The following BABAM2 variants were observed in gnomAD, a reference collection of about 807,000 sequenced individuals.
BABAM2 encodes the protein BRISC and BRCA1-A complex member 2.
A neutral mutation model predicts 54.7 loss-of-function variants in BABAM2; 31 were observed. The observed-to-expected ratio is 0.57, with a 90% CI of 0.43 to 0.77. The LOEUF is 0.77. Ranked by LOEUF, BABAM2 falls within the 30% of genes least tolerant of loss-of-function variation. The pLI is 0.00. For missense variants in BABAM2, 364 were observed against 455.8 expected, an observed-to-expected ratio of 0.80 and a Z score of 1.83; for synonymous variants, 167 against 162.9, an observed-to-expected ratio of 1.03 and a Z score of -0.19.
At chr2:28,126,527 T>C (rs1167590132) in intron 6 of BABAM2, among the ~76,000 whole-genome samples, 35 of 144,228 alleles carry the variant, frequency 2.4e-4, no homozygotes, top group Middle Eastern at 3.5e-3. Flanking sequence ...CCACATTTTC[T>C]TAATCCAGTC....
At chr2:28,292,423 T>G (rs1462646063) in intron 10 of BABAM2, among the ~76,000 whole-genome samples, 1 of 152,212 alleles carries the variant, frequency 6.6e-6, no homozygotes, top group East Asian at 1.9e-4. Context: ...TGTACATAGA[T>G]TATACAGTTA....
At position 28,041,277 on chromosome 2, in the gene BABAM2, A is replaced by G. The variant is rs912877659; in HGVS notation, c.496-4448A>G. 5.3e-5 allele frequency among the ~76,000 whole-genome samples: 8 copies of G among 152,196 alleles called. 1 individual carries two copies. Among genetic ancestry groups the G allele is most frequent in the Admixed American group, 5.2e-4 (8 of 15,268 alleles). ...TTTAATTTACAGGTTACAGGTTGAC[A>G]TTTTACACTAGTAGGCAGAAATGGT... On this transcript the variant is annotated intron_variant, in intron 5 of 11. Transcript: ENST00000379624.
intron 6 of BABAM2, among the ~76,000 whole-genome samples, chr2:28,112,775 A>G (rs1668248782): frequency 1.3e-5 from 2 of 152,306 alleles, no homozygotes; most frequent in African/African-American, 2.4e-5. Flanking sequence ...TCCTTGAGGA[A>G]TCGCCACACT....
intron 10 of BABAM2, among the ~76,000 whole-genome samples, chr2:28,263,032 C>T (rs1342385471): frequency 2.6e-5 from 4 of 151,656 alleles, no homozygotes; most frequent in Non-Finnish European, 4.4e-5. Flanking sequence ...TAAACTTGAA[C>T]CCTTGCCTTC....
intron 4 of BABAM2, among the ~76,000 whole-genome samples, chr2:27,994,316 T>G (rs1314615444): frequency 1.3e-5 from 2 of 152,228 alleles, no homozygotes. Context: ...CTCTCTTAGG[T>G]AACTATTATT....
At chr2:28,238,050 A>G (rs867847603) in intron 8 of BABAM2, among the ~76,000 whole-genome samples, 1 of 152,032 alleles carries the variant, frequency 6.6e-6, no homozygotes, top group Non-Finnish European at 1.5e-5. Context: ...AGGGTTCACC[A>G]TGTTGGCCAG....
intron 7 of BABAM2, among the ~76,000 whole-genome samples, chr2:28,182,566 A>G (rs1237631286): frequency 3.3e-5 from 5 of 152,182 alleles, no homozygotes; most frequent in Non-Finnish European, 7.3e-5. Flanking sequence ...TAGGACTACA[A>G]TCATGGCAGA....
chr2:28,113,551 A>T (rs1030061454), intron 6 of BABAM2, among the ~76,000 whole-genome samples: 2 of 152,182 alleles, frequency 1.3e-5, no homozygotes, highest in African/African-American at 4.8e-5. Flanking sequence ...TGGTTGCTGT[A>T]GCCTGGTAGT....
intron 6 of BABAM2, 62 bp from the exon 7 acceptor site, chr2:28,129,209 T>C (rs1319782181): frequency 3.4e-6 from 5 of 1,454,842 alleles, no homozygotes. Flanking sequence ...GACTGTGAGC[T>C]TGACACTAAT....
chr2:28,179,738 C>T (rs1675413627), intron 7 of BABAM2, among the ~76,000 whole-genome samples: 1 of 152,130 alleles, frequency 6.6e-6, no homozygotes, highest in African/African-American at 2.4e-5. Flanking sequence ...CTAAAGACTC[C>T]ACCAAAAAAT....
chr2:28,131,817 C>T (rs893558981), intron 7 of BABAM2, among the ~76,000 whole-genome samples: 1 of 152,086 alleles, frequency 6.6e-6, no homozygotes, highest in African/African-American at 2.4e-5. Flanking sequence ...CATTGTGTAA[C>T]TAATGAGTTA....
At chr2:28,138,891 T>C (rs1670773825) in intron 7 of BABAM2, among the ~76,000 whole-genome samples, 1 of 152,186 alleles carries the variant, frequency 6.6e-6, no homozygotes, top group Non-Finnish European at 1.5e-5. Flanking sequence ...TAGATTAATC[T>C]CAATAAAACA....
At chr2:28,196,102 C>T (rs886677293) in intron 7 of BABAM2, among the ~76,000 whole-genome samples, 24 of 151,134 alleles carry the variant, frequency 1.6e-4, no homozygotes, top group African/African-American at 4.9e-4. Context: ...CCGAGGCAGG[C>T]GGATCACGAG....
At chr2:27,948,568 A>G (rs577394443) in intron 3 of BABAM2, among the ~76,000 whole-genome samples, 24 of 152,134 alleles carry the variant, frequency 1.6e-4, no homozygotes, top group African/African-American at 5.8e-4. Context: ...GTCAGGAGTT[A>G]GAGACCAGCC....
chr2:27,958,986 G>A (rs768948919), intron 3 of BABAM2, among the ~76,000 whole-genome samples: 3 of 152,174 alleles, frequency 2.0e-5, no homozygotes, highest in Non-Finnish European at 2.9e-5. Context: ...GAAATGGAAG[G>A]ACACCACCTT....
intron 3 of BABAM2, among the ~76,000 whole-genome samples, chr2:27,949,314 C>CCTGA (rs1669533082): frequency 1.3e-5 from 2 of 152,150 alleles, no homozygotes; most frequent in Non-Finnish European, 2.9e-5. Context: ...AGGCGGATCA[C>CCTGA]CTGAGGTCAG....
intron 7 of BABAM2, among the ~76,000 whole-genome samples, chr2:28,132,487 C>A (rs1364358214): frequency 6.6e-6 from 1 of 152,074 alleles, no homozygotes; most frequent in Non-Finnish European, 1.5e-5. Context: ...CCTTTTAGAT[C>A]ATTTTTCGGT....
chr2:28,161,732 T>A (rs535538952), intron 7 of BABAM2, among the ~76,000 whole-genome samples: 103 of 152,172 alleles, frequency 6.8e-4, no homozygotes, highest in Middle Eastern at 6.8e-3. Context: ...CCCTCCACTT[T>A]GCTCTTTTGC....
intron 5 of BABAM2, among the ~76,000 whole-genome samples, chr2:28,033,172 T>C (rs2148585301): frequency 6.6e-6 from 1 of 152,312 alleles, no homozygotes; most frequent in East Asian, 1.9e-4. Flanking sequence ...CAAAAAAAGA[T>C]ACATCATACA....
Sources: gnomAD v4.1 joint callset for allele counts (sites outside exome capture counted in the v4.1 genomes callset) on GRCh38, gnomAD v4.1.1 for gene constraint, MANE v1.5 for transcripts, NCBI Gene and HGNC (gene_info 2026-07-23, HGNC 2026-07-21) for gene names.